Variants in ERBB4 observed in about 807,000 individuals in gnomAD.
ERBB4 encodes receptor tyrosine-protein kinase erbB-4.
ERBB4 carries 42 observed loss-of-function variants against 158.0 expected under a neutral mutation model. The observed-to-expected ratio is 0.27, with a 90% CI of 0.21 to 0.34. The LOEUF (loss-of-function observed/expected upper bound fraction) is 0.34. Ranked by LOEUF, ERBB4 falls within the 10% of genes least tolerant of loss-of-function variation. The pLI is 1.00. For missense variants in ERBB4, 1,333 were observed against 1,624.1 expected, an observed-to-expected ratio of 0.82 and a Z score of 3.08; for synonymous variants, 583 against 558.7, an observed-to-expected ratio of 1.04 and a Z score of -0.61.
At position 212,307,515 on chromosome 2, in the gene ERBB4, A is replaced by C. The variant is rs149007109; in HGVS notation, c.83-182612T>G. ...TTTGCCCTTTTTTATGTCCACCAAG[A>C]ACACAATATTAGATTGCTGTTCTGA... On this transcript the variant is annotated intron_variant, in intron 1 of 27. Transcript: ENST00000342788. Among the ~76,000 whole-genome samples, 754 of 151,362 alleles carry C rather than the reference A, an allele frequency of 5.0e-3. 5 individuals carry two copies. The highest frequency in any genetic ancestry group is 0.016 in the African/African-American group (671 of 41,452).
rs139096154 is a variant in ERBB4 at position 211,704,681 on chromosome 2, C to T, written c.1199-487G>A. Among the ~76,000 whole-genome samples, 201 of 152,214 alleles carry T rather than the reference C, an allele frequency of 1.3e-3. 1 individual carries two copies. The highest frequency in any genetic ancestry group is 4.7e-3 in the African/African-American group (194 of 41,538). ...ACATTACATGCTTAATATGTATGTG[C>T]TAAATAAATGCTACATGTTATCTAT... On this transcript the variant is annotated intron_variant, in intron 10 of 27. Transcript: ENST00000342788.
At chr2:211,481,939 A>G (rs2065092895) in intron 20 of ERBB4, among the ~76,000 whole-genome samples, 1 of 152,190 alleles carries the variant, frequency 6.6e-6, no homozygotes, top group African/African-American at 2.4e-5. Context: ...GGCAATGAAG[A>G]ATGTGACCCC....
At chr2:212,206,407 G>A (rs1160218518) in intron 1 of ERBB4, among the ~76,000 whole-genome samples, 5 of 152,026 alleles carry the variant, frequency 3.3e-5, no homozygotes, top group African/African-American at 1.2e-4. Flanking sequence ...ACAATCGCAT[G>A]GGATTGGTTA....
At chr2:211,439,420 T>C (rs947541222) in intron 20 of ERBB4, among the ~76,000 whole-genome samples, 2 of 152,242 alleles carry the variant, frequency 1.3e-5, no homozygotes, top group African/African-American at 4.8e-5. Flanking sequence ...ACGTTTATTA[T>C]GTGGAAGGAA....
At chr2:212,380,706 T>G (rs1168588335) in intron 1 of ERBB4, among the ~76,000 whole-genome samples, 1 of 151,104 alleles carries the variant, frequency 6.6e-6, no homozygotes, top group Non-Finnish European at 1.5e-5. Flanking sequence ...TTAGGCTCTT[T>G]GAAAATGTAT....
intron 1 of ERBB4, among the ~76,000 whole-genome samples, chr2:212,294,633 C>T (rs1021630580): frequency 6.6e-6 from 1 of 151,922 alleles, no homozygotes; most frequent in Non-Finnish European, 1.5e-5. Flanking sequence ...CAAAACTATA[C>T]TTACAATATA....
chr2:211,638,844 T>C (rs907052714), intron 16 of ERBB4, among the ~76,000 whole-genome samples: 4 of 152,140 alleles, frequency 2.6e-5, no homozygotes, highest in African/African-American at 9.7e-5. Context: ...ACCTTCCTTC[T>C]CTTTACAGGC....
intron 1 of ERBB4, among the ~76,000 whole-genome samples, chr2:212,288,857 A>G (rs1021863983): frequency 6.6e-6 from 1 of 152,040 alleles, no homozygotes; most frequent in African/African-American, 2.4e-5. Flanking sequence ...TCCAATTTGT[A>G]TCTCATTTAA....
chr2:212,065,777 C>T (rs564675206), intron 2 of ERBB4, among the ~76,000 whole-genome samples: 8 of 152,020 alleles, frequency 5.3e-5, no homozygotes, highest in South Asian at 2.1e-4. Context: ...AGTCAGGGAA[C>T]GGAGTACAGT....
At chr2:211,939,966 A>AAAATATATAT (rs1491239788) in intron 3 of ERBB4, among the ~76,000 whole-genome samples, 2 of 137,386 alleles carry the variant, frequency 1.5e-5, no homozygotes, top group Non-Finnish European at 3.1e-5. Context: ...GGAAAAAAAA[A>AAAATATATAT]ATATATATAT....
chr2:212,229,288 G>A (rs1399431369), intron 1 of ERBB4, among the ~76,000 whole-genome samples: 3 of 152,134 alleles, frequency 2.0e-5, no homozygotes, highest in African/African-American at 7.2e-5. Context: ...AGGGCTCAGG[G>A]ATCATTCAAA....
intron 1 of ERBB4, among the ~76,000 whole-genome samples, chr2:212,441,334 G>C (rs141740346): frequency 1.3e-5 from 2 of 152,282 alleles, no homozygotes; most frequent in African/African-American, 2.4e-5. Flanking sequence ...TAGCCTTCCT[G>C]CTCTGCGGGA....
intron 1 of ERBB4, among the ~76,000 whole-genome samples, chr2:212,231,760 A>G (rs1031202076): frequency 6.6e-6 from 1 of 152,214 alleles, no homozygotes; most frequent in African/African-American, 2.4e-5. Flanking sequence ...CACAACTAAT[A>G]CCAATATGCA....
chr2:212,519,005 A>AT lies in ERBB4; in HGVS notation c.82+19443dup, dbSNP rs549551203. Among the ~76,000 whole-genome samples, 585 of 152,118 alleles carry AT rather than the reference A, an allele frequency of 3.8e-3. 6 individuals are homozygous for AT. Among genetic ancestry groups the AT allele is most frequent in the African/African-American group, 0.013 (556 of 41,530 alleles). ...ATCATCTCCCCTGAAAAAATGTTATATGGGACTATTACTAATGCCATCCTG... is the reference window on the plus strand; with the variant it reads ...ATCATCTCCCCTGAAAAAATGTTATATTGGGACTATTACTAATGCCATCCTG... On this transcript the variant is annotated intron_variant, in intron 1 of 27. Transcript: ENST00000342788.
Position 211,383,274 on chromosome 2 carries a change from G to T in ERBB4, c.*341C>A. 3.7e-6 allele frequency: 1 copy of T among 267,862 alleles called. No individual in the cohort carries two copies. 16.6% of individuals were successfully genotyped at this position (267,862 alleles called of 1,614,324 possible). ...AAAAAAAAAAAAGAAGAGGAAGAAA[G>T]AAACAAAGAAAGAAAAAGAAAAAGA... is the stretch of plus-strand genomic sequence containing the variant. On this transcript the variant is annotated 3_prime_UTR_variant, in exon 28 of 28. Coordinates refer to ENST00000342788, the MANE Select transcript of ERBB4 (RefSeq NM_005235.3).
At chr2:211,537,940 C>G (rs1016821369) in intron 20 of ERBB4, among the ~76,000 whole-genome samples, 5 of 151,832 alleles carry the variant, frequency 3.3e-5, no homozygotes, top group African/African-American at 1.2e-4. Flanking sequence ...TTTATATGTG[C>G]ACCTGCATTA....
intron 2 of ERBB4, among the ~76,000 whole-genome samples, chr2:211,967,100 A>T (rs1165726277): frequency 6.6e-6 from 1 of 152,114 alleles, no homozygotes; most frequent in Non-Finnish European, 1.5e-5. Context: ...CAAATGCCTG[A>T]ATGTTTTTTT....
intron 16 of ERBB4, among the ~76,000 whole-genome samples, chr2:211,656,636 C>G (rs2071229045): frequency 6.6e-6 from 1 of 152,310 alleles, no homozygotes; most frequent in South Asian, 2.1e-4. Context: ...TTCCAGTCAA[C>G]CTTATCCTCC....
rs1183829955 is a variant in ERBB4 at position 211,735,599 on chromosome 2, A to G, written c.623-10405T>C. Among the ~76,000 whole-genome samples the G allele has an allele frequency of 3.3e-5, 5 of 152,278 alleles. No individual in the cohort carries two copies. The East Asian group carries it at 9.7e-4, about 29-fold the overall frequency. On this transcript the variant is annotated intron_variant, in intron 5 of 27. Transcript: ENST00000342788. ...TTAACTACCATGATTGTGAGTGATG[A>G]TAATGAAAACTAAGATATTACTCAA...
Sources: gnomAD v4.1 joint callset for allele counts (sites outside exome capture counted in the v4.1 genomes callset) on GRCh38, gnomAD v4.1.1 for gene constraint, MANE v1.5 for transcripts, NCBI Gene and HGNC (gene_info 2026-07-23, HGNC 2026-07-21) for gene names.